Variants in NLRC5 observed in about 807,000 individuals in gnomAD.
NLRC5 encodes the protein NLR family CARD domain containing 5, also known as protein NLRC5.
NLRC5 carries 114 observed loss-of-function variants against 206.9 expected under a neutral mutation model. The observed-to-expected ratio is 0.55, with a 90% CI of 0.47 to 0.64. The LOEUF (loss-of-function observed/expected upper bound fraction) is 0.64. Among genes scored for constraint, NLRC5 ranks in the 30% least tolerant of loss-of-function variants. The pLI, the probability that NLRC5 is intolerant of heterozygous loss-of-function variation, is 0.00. For missense variants in NLRC5, 2,008 were observed against 2,305.5 expected (o/e 0.87, Z 2.64); for synonymous variants, 952 against 962.8 (o/e 0.99, Z 0.21).
At chr16:57,055,358 T>C in intron 26 of NLRC5, 75 bp from the exon 27 acceptor site, 1 of 1,417,930 alleles carries the variant, frequency 7.1e-7, no homozygotes, top group Middle Eastern at 1.8e-4. Context: ...GGCTGTGCCC[T>C]GGGCTAGCCA....
intron 48 of NLRC5, 69 bp downstream of exon 48, chr16:57,081,679 T>G: frequency 7.3e-7 from 1 of 1,378,006 alleles, no homozygotes; most frequent in South Asian, 1.2e-5. Flanking sequence ...CTAATGGGAC[T>G]CCCTGGAGGA....
At chr16:57,071,018 G>T (rs866646196) in intron 38 of NLRC5, among the ~76,000 whole-genome samples, 1,543 of 51,694 alleles carry the variant, frequency 0.03, 32 homozygotes, top group South Asian at 0.056. Context: ...GTGAGTGGTG[G>T]CGTTGGTTAA....
intron 47 of NLRC5, 142 bp downstream of exon 47, chr16:57,081,323 CAGGCTT>C: frequency 1.1e-6 from 1 of 938,820 alleles, no homozygotes; most frequent in East Asian, 2.6e-5. Context: ...AAGCCCCTGC[CAGGCTT>C]AGTTCCCCCT....
rs987948170 is a variant in NLRC5, at chr16:57,025,745, A to G, written c.802A>G (p.Thr268Ala). The G allele has an allele frequency of 1.2e-6, 2 of 1,614,144 alleles. No individual in the cohort carries two copies. Among genetic ancestry groups the G allele is most frequent in the Non-Finnish European group, 1.7e-6 (2 of 1,180,000 alleles). ...LFEFRQLNLI[T>A]RFLTPSELLF... The stretch of plus-strand genomic sequence containing the variant: ...TGAATTCCGCCAGCTCAACTTGATC[A>G]CGAGGTTCCTGACACCGTCCGAGCT... The change falls in exon 6 of 49, where the codon ACG (threonine) becomes GCG (alanine). Residue 268 changes from threonine (T) to alanine (A), a missense_variant. Transcript: ENST00000688547.
intron 1 of NLRC5, among the ~76,000 whole-genome samples, chr16:57,007,381 T>C (rs1162207067): frequency 1.3e-5 from 2 of 152,198 alleles, no homozygotes; most frequent in African/African-American, 4.8e-5. Flanking sequence ...TTCTAATGTA[T>C]TATATTTATT....
At position 57,027,010 on chromosome 16, in the gene NLRC5, G is replaced by A; in HGVS notation, c.2067G>A (p.Glu689=). Residue 689 remains glutamate, a synonymous_variant, in exon 6 of 49, where the codon GAG becomes GAA. Coordinates refer to ENST00000688547, the MANE Select transcript of NLRC5 (RefSeq NM_001384950.1). ...PEALVGCGQI[E]NLSFKSRKCG... ...CTCTGGTAGGCTGTGGGCAGATAGAGAATCTCAGGTGAGTAAGAGTGGAGG... is the reference window on the plus strand; with the variant it reads ...CTCTGGTAGGCTGTGGGCAGATAGAAAATCTCAGGTGAGTAAGAGTGGAGG... 1.2e-6 allele frequency: 2 copies of A among 1,613,252 alleles called. No homozygotes were observed. The highest frequency in any genetic ancestry group is 1.7e-6 in the Non-Finnish European group (2 of 1,179,388).
chr16:57,026,920 G>C lies in NLRC5; in HGVS notation c.1977G>C (p.Glu659Asp). The part of the protein sequence containing the change: ...TDLATLTNIL[E>D]HREAPIHLDF... ...TGGCCACCCTGACCAACATCCTAGA[G>C]CACAGGGAGGCCCCCATCCACCTGG... Residue 659 changes from glutamate (E) to aspartate (D), a missense_variant, in exon 6 of 49, where the codon GAG becomes GAC. Glu to Asp is a conservative substitution (Grantham distance 45). Transcript: ENST00000688547. 6.2e-7 allele frequency: 1 copy of C among 1,614,186 alleles called. No homozygotes were observed. Among genetic ancestry groups the C allele is most frequent in the Non-Finnish European group, 8.5e-7 (1 of 1,180,042 alleles).
At chr16:57,041,276 C>T (rs1317310628) in intron 17 of NLRC5, 4 of 543,922 alleles carry the variant, frequency 7.4e-6, no homozygotes, top group Non-Finnish European at 1.3e-5. Flanking sequence ...CCATCTGTGT[C>T]TCTGCCCACC....
chr16:57,031,951 G>C (rs1478137206), intron 11 of NLRC5, among the ~76,000 whole-genome samples: 1 of 151,800 alleles, frequency 6.6e-6, no homozygotes, highest in Non-Finnish European at 1.5e-5. Context: ...GTCTTGGATG[G>C]GCTGAGAAAA....
chr16:57,071,094 G>C (rs2067670487), intron 38 of NLRC5, among the ~76,000 whole-genome samples: 1 of 132,508 alleles, frequency 7.5e-6, no homozygotes, highest in Non-Finnish European at 1.6e-5. Flanking sequence ...AGTGGTGTTG[G>C]TGGTTAATGG....
intron 1 of NLRC5, among the ~76,000 whole-genome samples, chr16:57,010,903 TAA>T (rs780913523): frequency 0.1 from 15,171 of 151,856 alleles, 1,239 homozygotes; most frequent in East Asian, 0.42. Context: ...TGGCTTTTTT[TAA>T]AAAAAAATCA....
At position 57,055,506 on chromosome 16, in the gene NLRC5, C is replaced by T. The variant is rs1410656215; in HGVS notation, c.3733C>T (p.Leu1245Phe). The T allele has an allele frequency of 2.5e-6, 4 of 1,613,508 alleles. No individual in the cohort carries two copies. In the African/African-American group the frequency reaches 4.0e-5, roughly 16 times the overall value. ...LCWLLSKCKD[L>F]SQVDLSANLL... ...CTGGTTGCTGAGCAAGTGTAAAGAC[C>T]TCAGCCAGGTGGAGTAAGTTGAGGG... Residue 1245 changes from leucine to phenylalanine, a missense_variant, in exon 27 of 49, where the codon CTC becomes TTC. By Grantham distance (22) the Leu-to-Phe change is conservative (BLOSUM62 0). Coordinates refer to ENST00000688547, the MANE Select transcript of NLRC5 (RefSeq NM_001384950.1).
At chr16:57,008,958 G>T (rs1172562884) in intron 1 of NLRC5, among the ~76,000 whole-genome samples, 2 of 152,114 alleles carry the variant, frequency 1.3e-5, no homozygotes, top group African/African-American at 4.8e-5. Flanking sequence ...AAAAAACAAA[G>T]TAAACTAAAT....
intron 20 of NLRC5, among the ~76,000 whole-genome samples, chr16:57,044,447 C>T (rs895861003): frequency 8.5e-5 from 13 of 152,150 alleles, no homozygotes; most frequent in Middle Eastern, 3.4e-3. Context: ...CTCAGGGCAC[C>T]GCATCCATGA....
intron 48 of NLRC5, 67 bp downstream of exon 48, chr16:57,081,677 A>G (rs1040673076): frequency 4.3e-6 from 6 of 1,407,426 alleles, no homozygotes; most frequent in Non-Finnish European, 6.0e-6. Context: ...ATCTAATGGG[A>G]CTCCCTGGAG....
intron 27 of NLRC5, 43 bp downstream of exon 27, chr16:57,055,562 T>A (rs746369283): frequency 2.6e-6 from 4 of 1,522,552 alleles, no homozygotes; most frequent in Non-Finnish European, 3.6e-6. Context: ...CATGGACGCA[T>A]GCCTGAGGGG....
rs116080011 is a variant in NLRC5, at chr16:57,043,621, G to A, written c.3203+17G>A. 0.029 allele frequency: 46,269 copies of A among 1,599,858 alleles called. 793 individuals are homozygous for A. Among genetic ancestry groups the A allele is most frequent in the African/African-American group, 0.072 (5,390 of 74,642 alleles). On this transcript the variant is annotated intron_variant, in intron 20 of 48. Coordinates refer to ENST00000688547, the MANE Select transcript of NLRC5 (RefSeq NM_001384950.1). ...GGACATCAGGTGAGCGTGCCTCTCC[G>A]CCCCCAGCCCTGCCCCTGTCCCCCA...
intron 1 of NLRC5, among the ~76,000 whole-genome samples, chr16:57,009,087 T>G (rs2059216549): frequency 6.6e-6 from 1 of 151,712 alleles, no homozygotes; most frequent in African/African-American, 2.4e-5. Flanking sequence ...GGTCAGGAGC[T>G]TGAGACCCGC....
At chr16:57,074,491 T>G in intron 38 of NLRC5, 109 bp from the exon 39 acceptor site, 1 of 850,672 alleles carries the variant, frequency 1.2e-6, no homozygotes, top group East Asian at 2.5e-5. Flanking sequence ...TGGATATAAG[T>G]GGCTGTCTTG....
Sources: gnomAD v4.1 joint callset for allele counts (sites outside exome capture counted in the v4.1 genomes callset) on GRCh38, gnomAD v4.1.1 for gene constraint, MANE v1.5 for transcripts, NCBI Gene and HGNC (gene_info 2026-07-23, HGNC 2026-07-21) for gene names.